Variants in COL25A1 observed in about 807,000 individuals in gnomAD.
COL25A1 encodes the protein collagen alpha-1(XXV) chain.
A neutral mutation model predicts 128.4 loss-of-function variants in COL25A1; 103 were observed. That is an observed-to-expected ratio of 0.80 (90% CI 0.68 to 0.94). COL25A1 has a LOEUF of 0.94. Ranked by LOEUF, COL25A1 falls within the 40% of genes least tolerant of loss-of-function variation. The pLI, the probability that COL25A1 is intolerant of heterozygous loss-of-function variation, is 0.00. For synonymous variants in COL25A1, 279 were observed against 277.2 expected (o/e 1.01, Z -0.06); for missense variants, 745 against 840.0 (o/e 0.89, Z 1.40).
chr4:108,824,169 G>A lies in COL25A1; in HGVS notation c.1845+5C>T. Reference sequence around the variant, plus strand: ...ACAAGGTACATGCTGGGATGGAGAGGTCACCTTTTCTCCCTTTTCTCCTAG... The same window carrying A: ...ACAAGGTACATGCTGGGATGGAGAGATCACCTTTTCTCCCTTTTCTCCTAG... On this transcript the variant is annotated splice_donor_5th_base_variant and intron_variant, in intron 35 of 37. Transcript: ENST00000399132. 1.2e-6 allele frequency: 2 copies of A among 1,614,010 alleles called. No individual in the cohort carries two copies. The highest frequency in any genetic ancestry group is 1.3e-5 in the African/African-American group (1 of 75,028).
intron 5 of COL25A1, among the ~76,000 whole-genome samples, chr4:109,033,267 A>G (rs7672923): frequency 0.1 from 15,616 of 152,304 alleles, 988 homozygotes; most frequent in African/African-American, 0.17. Context: ...ATGTAGCACT[A>G]TCCTTATTCA....
intron 8 of COL25A1, among the ~76,000 whole-genome samples, chr4:108,947,064 G>A (rs1258334390): frequency 6.6e-6 from 1 of 152,172 alleles, no homozygotes; most frequent in East Asian, 1.9e-4. Context: ...AGGTAGTTAT[G>A]AATCATGAAT....
At chr4:108,911,467 TA>T (rs1240273566) in intron 13 of COL25A1, among the ~76,000 whole-genome samples, 3 of 101,722 alleles carry the variant, frequency 2.9e-5, no homozygotes, top group Non-Finnish European at 6.7e-5. Context: ...AATCTTCATA[TA>T]ATTGTTCATT....
rs549430150 is a variant in COL25A1 at position 109,172,886 on chromosome 4, C to G, written c.368-122707G>C. ...CATCATGGGGTATGCAGTAACATGA[C>G]TGGCTGGTCAACAAACTTGAGATGT... On this transcript the variant is annotated intron_variant, in intron 3 of 37. Transcript: ENST00000399132. 2.0e-5 allele frequency among the ~76,000 whole-genome samples: 3 copies of G among 152,282 alleles called. No homozygotes were observed. In the South Asian group the frequency reaches 6.2e-4, roughly 32 times the overall value.
At chr4:109,083,454 T>TAAAA (rs1560659276) in intron 3 of COL25A1, among the ~76,000 whole-genome samples, 74 of 116,468 alleles carry the variant, frequency 6.4e-4, no homozygotes, top group African/African-American at 2.4e-3. Context: ...ATAAATTTTT[T>TAAAA]TTTTTTTTTT....
At chr4:109,077,859 T>C (rs1763514059) in intron 3 of COL25A1, among the ~76,000 whole-genome samples, 2 of 152,230 alleles carry the variant, frequency 1.3e-5, no homozygotes, top group African/African-American at 4.8e-5. Flanking sequence ...ACAAGGGTCA[T>C]CTCCCTACTC....
intron 5 of COL25A1, among the ~76,000 whole-genome samples, chr4:109,026,034 C>T (rs946504249): frequency 6.6e-6 from 1 of 151,172 alleles, no homozygotes; most frequent in African/African-American, 2.4e-5. Context: ...TCATTCTTAG[C>T]CCTCTTAGGA....
intron 27 of COL25A1, among the ~76,000 whole-genome samples, chr4:108,848,321 T>G (rs1036118515): frequency 6.6e-6 from 1 of 152,172 alleles, no homozygotes; most frequent in Non-Finnish European, 1.5e-5. Flanking sequence ...TTCTGTATTT[T>G]CTAAGGATCT....
intron 3 of COL25A1, among the ~76,000 whole-genome samples, chr4:109,298,028 T>G (rs1171636598): frequency 6.6e-6 from 1 of 152,020 alleles, no homozygotes; most frequent in Non-Finnish European, 1.5e-5. Context: ...CTTGGTAGAC[T>G]GGGCTTTTAG....
Position 108,813,792 on chromosome 4 carries a change from T to C in COL25A1, c.*135A>G. ...TAAGTGGAGTAAAAATGGACATGTATACTACTGCCAGCAGGAAGAAGCAGC... is the reference window on the plus strand; with the variant it reads ...TAAGTGGAGTAAAAATGGACATGTACACTACTGCCAGCAGGAAGAAGCAGC... On this transcript the variant is annotated 3_prime_UTR_variant, in exon 38 of 38. Transcript: ENST00000399132. 1 of 698,986 alleles carries C rather than the reference T, an allele frequency of 1.4e-6. No individual in the cohort carries two copies. The highest frequency in any genetic ancestry group is 2.5e-6 in the Non-Finnish European group (1 of 400,752). 43.3% of individuals were successfully genotyped at this position (698,986 alleles called of 1,614,324 possible).
chr4:109,132,698 TG>T (rs1769336975), intron 3 of COL25A1, among the ~76,000 whole-genome samples: 1 of 152,182 alleles, frequency 6.6e-6, no homozygotes, highest in Non-Finnish European at 1.5e-5. Context: ...TATCCTTTTC[TG>T]AAGGTAAGAA....
intron 3 of COL25A1, among the ~76,000 whole-genome samples, chr4:109,113,524 A>G (rs1767238617): frequency 6.6e-6 from 1 of 152,122 alleles, no homozygotes; most frequent in South Asian, 2.1e-4. Context: ...TTATCTCAAT[A>G]TAGTTTTTCA....
intron 35 of COL25A1, among the ~76,000 whole-genome samples, chr4:108,821,290 T>C (rs776415014): frequency 3.3e-4 from 51 of 152,296 alleles, no homozygotes; most frequent in Non-Finnish European, 3.5e-4. Flanking sequence ...TGTGGCTTAG[T>C]TGATCATGAT....
intron 3 of COL25A1, among the ~76,000 whole-genome samples, chr4:109,243,081 A>T (rs1428559726): frequency 6.6e-6 from 1 of 152,100 alleles, no homozygotes; most frequent in African/African-American, 2.4e-5. Flanking sequence ...AAAATTTTTG[A>T]AAAGCTTTTT....
chr4:109,201,359 C>T (rs554411877), intron 3 of COL25A1, among the ~76,000 whole-genome samples: 2 of 152,204 alleles, frequency 1.3e-5, no homozygotes, highest in East Asian at 3.9e-4. Context: ...TTAATGAAAT[C>T]CACCACACAA....
intron 3 of COL25A1, among the ~76,000 whole-genome samples, chr4:109,097,331 A>G (rs896556264): frequency 1.3e-5 from 2 of 150,896 alleles, no homozygotes; most frequent in Non-Finnish European, 2.9e-5. Flanking sequence ...CTGGCCGAGT[A>G]TGGTGGCCTG....
chr4:108,994,660 T>C (rs1754571689), intron 6 of COL25A1, among the ~76,000 whole-genome samples: 1 of 152,168 alleles, frequency 6.6e-6, no homozygotes, highest in African/African-American at 2.4e-5. Flanking sequence ...GACTGCTGCC[T>C]CAAGCGGGTC....
At chr4:109,279,209 C>A (rs1723128659) in intron 3 of COL25A1, among the ~76,000 whole-genome samples, 1 of 152,118 alleles carries the variant, frequency 6.6e-6, no homozygotes, top group Non-Finnish European at 1.5e-5. Context: ...ATTTTAATTT[C>A]TGCATTAATT....
chr4:109,001,794 G>A (rs114668829), intron 6 of COL25A1, among the ~76,000 whole-genome samples: 1 of 152,152 alleles, frequency 6.6e-6, no homozygotes, highest in Non-Finnish European at 1.5e-5. Flanking sequence ...AGCCAGAGCA[G>A]GATTTGCAGG....
Sources: gnomAD v4.1 joint callset for allele counts (sites outside exome capture counted in the v4.1 genomes callset) on GRCh38, gnomAD v4.1.1 for gene constraint, MANE v1.5 for transcripts, NCBI Gene and HGNC (gene_info 2026-07-23, HGNC 2026-07-21) for gene names.